COMMD1: variants seen among roughly 807,000 people sequenced by gnomAD.
COMMD1 encodes COMM domain-containing protein 1.
A neutral mutation model predicts 17.2 loss-of-function variants in COMMD1; 10 were observed. The observed-to-expected ratio is 0.58, with a 90% CI of 0.36 to 0.99. The LOEUF is 0.99. Ranked by LOEUF, COMMD1 falls within the 50% of genes least tolerant of loss-of-function variation. COMMD1 has a pLI of 0.01. For missense variants in COMMD1, 270 were observed against 231.8 expected, an observed-to-expected ratio of 1.17 and a Z score of -1.07; for synonymous variants, 97 against 91.6, an observed-to-expected ratio of 1.06 and a Z score of -0.34.
At chr2:62,094,583 T>A (rs1351725667) in intron 2 of COMMD1, among the ~76,000 whole-genome samples, 4 of 152,084 alleles carry the variant, frequency 2.6e-5, no homozygotes, top group Admixed American at 6.6e-5. Flanking sequence ...AGAAAAAAAA[T>A]CCACAGCATT....
At chr2:61,903,343 C>G (rs1446046719), upstream of COMMD1, among the ~76,000 whole-genome samples, 2 of 151,402 alleles carry the variant, frequency 1.3e-5, no homozygotes, top group Non-Finnish European at 2.9e-5. Flanking sequence ...ACTTGGGAGG[C>G]TGAGGCAGGA....
At chr2:62,063,727 A>G (rs1670940769) in intron 2 of COMMD1, among the ~76,000 whole-genome samples, 2 of 151,186 alleles carry the variant, frequency 1.3e-5, no homozygotes, top group Non-Finnish European at 2.9e-5. Context: ...CCTTTTTAGC[A>G]TTTTTCTTTG....
intron 2 of COMMD1, among the ~76,000 whole-genome samples, chr2:62,067,342 A>G (rs1671082040): frequency 6.6e-6 from 1 of 152,180 alleles, no homozygotes; most frequent in African/African-American, 2.4e-5. Context: ...GAAAAATCGG[A>G]ACAAATCTTC....
chr2:62,030,678 C>A (rs1305317643), intron 2 of COMMD1, among the ~76,000 whole-genome samples: 1 of 152,074 alleles, frequency 6.6e-6, no homozygotes, highest in Non-Finnish European at 1.5e-5. Flanking sequence ...CTTTTTATCT[C>A]TTTTGTCATA....
At position 62,053,137 on chromosome 2, in the gene COMMD1, C is replaced by G. The variant is rs113535473; in HGVS notation, c.462+52155C>G. Among the ~76,000 whole-genome samples, 1,452 of 152,148 alleles carry G rather than the reference C, an allele frequency of 9.5e-3. 25 individuals are homozygous for G. The highest frequency in any genetic ancestry group is 0.032 in the African/African-American group (1,332 of 41,488). Reference sequence around the variant, plus strand: ...TTTTGTAATTCTGATGCCTATCTCACCCTTTGAATACATCAGAGTATTAAA... The same window carrying G: ...TTTTGTAATTCTGATGCCTATCTCAGCCTTTGAATACATCAGAGTATTAAA... On this transcript the variant is annotated intron_variant, in intron 2 of 2. Coordinates refer to ENST00000311832, the MANE Select transcript of COMMD1 (RefSeq NM_152516.4).
At position 61,911,097 on chromosome 2, in the gene COMMD1, T is replaced by A. The variant is rs537900536; in HGVS notation, c.180+5239T>A. 4.1e-3 allele frequency among the ~76,000 whole-genome samples: 582 copies of A among 142,860 alleles called. 1 individual carries two copies. Among genetic ancestry groups the A allele is most frequent in the African/African-American group, 7.3e-3 (282 of 38,888 alleles). 93.7% of individuals were successfully genotyped at this position (142,860 alleles called of 152,430 possible). ...AAACCCCATCTAAAAAAAAAAAAAATTTTTTTTTTTAATGAAAATTCTCCT... is the reference window on the plus strand; with the variant it reads ...AAACCCCATCTAAAAAAAAAAAAAAATTTTTTTTTTAATGAAAATTCTCCT... On this transcript the variant is annotated intron_variant, in intron 1 of 2. Transcript: ENST00000311832.
intron 2 of COMMD1, among the ~76,000 whole-genome samples, chr2:62,130,328 G>A (rs1672997137): frequency 6.7e-6 from 1 of 149,822 alleles, no homozygotes; most frequent in Non-Finnish European, 1.5e-5. Flanking sequence ...AGGCTGGAGT[G>A]CAGTGGCGCA....
intron 2 of COMMD1, among the ~76,000 whole-genome samples, chr2:62,023,946 T>C (rs1391972820): frequency 1.3e-5 from 2 of 152,196 alleles, no homozygotes; most frequent in Non-Finnish European, 2.9e-5. Context: ...CAGACCAATA[T>C]TGGAAAATGT....
chr2:61,950,604 T>G (rs1298464869), intron 1 of COMMD1, among the ~76,000 whole-genome samples: 1 of 152,240 alleles, frequency 6.6e-6, no homozygotes, highest in African/African-American at 2.4e-5. Context: ...GGAAGCACTT[T>G]ATGGCTTCTC....
At chr2:61,986,718 G>A (rs556397110) in intron 1 of COMMD1, among the ~76,000 whole-genome samples, 102 of 151,664 alleles carry the variant, frequency 6.7e-4, no homozygotes, top group Non-Finnish European at 1.1e-3. Context: ...GCAGGCAAGC[G>A]CCACCATGCC....
chr2:61,902,394 T>C (rs1479725117), upstream of COMMD1, among the ~76,000 whole-genome samples: 1 of 151,706 alleles, frequency 6.6e-6, no homozygotes, highest in Non-Finnish European at 1.5e-5. Flanking sequence ...TAGTCCCAGC[T>C]ACTTGGGAGC....
At chr2:62,104,056 G>A (rs1315760047) in intron 2 of COMMD1, among the ~76,000 whole-genome samples, 2 of 152,052 alleles carry the variant, frequency 1.3e-5, no homozygotes, top group African/African-American at 2.4e-5. Flanking sequence ...GCCCAGGCTG[G>A]TCTTGTACTC....
intron 2 of COMMD1, among the ~76,000 whole-genome samples, chr2:62,002,125 A>G (rs1358081913): frequency 6.7e-6 from 1 of 148,782 alleles, no homozygotes; most frequent in Non-Finnish European, 1.5e-5. Flanking sequence ...AGCCGAGATC[A>G]TGCCATTGCA....
chr2:62,066,247 A>G (rs1330580338), intron 2 of COMMD1, among the ~76,000 whole-genome samples: 3 of 151,524 alleles, frequency 2.0e-5, no homozygotes, highest in South Asian at 2.1e-4. Flanking sequence ...TTTTTCCCCC[A>G]CTACTGTGCT....
At chr2:61,912,692 G>T (rs1335175084) in intron 1 of COMMD1, among the ~76,000 whole-genome samples, 1 of 148,610 alleles carries the variant, frequency 6.7e-6, no homozygotes, top group Non-Finnish European at 1.5e-5. Flanking sequence ...CCGAGATCGT[G>T]CCACTGCACT....
At chr2:62,041,927 G>C (rs529043952) in intron 2 of COMMD1, among the ~76,000 whole-genome samples, 37 of 152,356 alleles carry the variant, frequency 2.4e-4, no homozygotes, top group Non-Finnish European at 5.0e-4. Flanking sequence ...ATTGTGAAGA[G>C]TGAAAGAACT....
intron 2 of COMMD1, among the ~76,000 whole-genome samples, chr2:62,079,210 C>T (rs1671445803): frequency 1.3e-5 from 2 of 152,086 alleles, no homozygotes; most frequent in South Asian, 2.1e-4. Context: ...ATTAAGAAAG[C>T]AAAGTAGTGA....
intron 2 of COMMD1, among the ~76,000 whole-genome samples, chr2:62,040,412 C>T (rs536223046): frequency 6.6e-6 from 1 of 152,210 alleles, no homozygotes; most frequent in Non-Finnish European, 1.5e-5. Flanking sequence ...TCCCTATGTT[C>T]TCAGTGAAAA....
intron 1 of COMMD1, among the ~76,000 whole-genome samples, chr2:61,908,684 C>T (rs1260976740): frequency 7.9e-5 from 12 of 152,162 alleles, no homozygotes; most frequent in South Asian, 6.2e-4. Context: ...CTCAGCCTCC[C>T]GAGTGGCTGG....
Sources: allele counts gnomAD v4.1 joint callset (sites outside exome capture counted in the v4.1 genomes callset), GRCh38; gene constraint gnomAD v4.1.1; transcripts MANE v1.5; gene names NCBI Gene and HGNC (gene_info 2026-07-23, HGNC 2026-07-21).